Variants in MAGI1 observed in about 807,000 individuals in gnomAD.
MAGI1 encodes the protein membrane associated guanylate kinase, WW and PDZ domain containing 1.
Under a neutral mutation model 139.9 loss-of-function variants are expected in MAGI1, and 58 were observed. That is an observed-to-expected ratio of 0.41 (90% CI 0.34 to 0.52). The LOEUF (loss-of-function observed/expected upper bound fraction) is 0.52, where lower values mean the gene tolerates loss of function less well. Ranked by LOEUF, MAGI1 falls within the 20% of genes least tolerant of loss-of-function variation. MAGI1 has a pLI of 0.12. For synonymous variants in MAGI1, 812 were observed against 737.9 expected, an observed-to-expected ratio of 1.10 and a Z score of -1.63; for missense variants, 1,874 against 1,901.6, an observed-to-expected ratio of 0.99 and a Z score of 0.27.
chr3:65,498,269 G>A (rs192577840), intron 2 of MAGI1, among the ~76,000 whole-genome samples: 43 of 135,468 alleles, frequency 3.2e-4, no homozygotes, highest in Non-Finnish European at 4.1e-4. Context: ...CAGGGACAGC[G>A]TACTAATATA....
At chr3:65,956,188 A>G (rs1043243404) in intron 1 of MAGI1, among the ~76,000 whole-genome samples, 1 of 152,194 alleles carries the variant, frequency 6.6e-6, no homozygotes, top group Non-Finnish European at 1.5e-5. Flanking sequence ...TTCTACAGCA[A>G]TGTAGCTAGC....
chr3:65,579,573 C>T (rs2081324251), intron 2 of MAGI1, among the ~76,000 whole-genome samples: 1 of 152,206 alleles, frequency 6.6e-6, no homozygotes, highest in Non-Finnish European at 1.5e-5. Context: ...TGGCCGGACT[C>T]AGTGGCTCAC....
intron 1 of MAGI1, among the ~76,000 whole-genome samples, chr3:65,755,761 A>G (rs1229400264): frequency 6.6e-6 from 1 of 152,230 alleles, no homozygotes; most frequent in Non-Finnish European, 1.5e-5. Flanking sequence ...GGCAACAGCT[A>G]TTCTGCAAAG....
chr3:65,508,335 C>T (rs767593148), intron 2 of MAGI1, among the ~76,000 whole-genome samples: 18 of 151,700 alleles, frequency 1.2e-4, no homozygotes, highest in Non-Finnish European at 1.6e-4. Context: ...ACCTGGGAGG[C>T]GGAGCTTGCA....
chr3:66,023,734 C>A (rs79321085), intron 1 of MAGI1, among the ~76,000 whole-genome samples: 2,469 of 152,304 alleles, frequency 0.016, 70 homozygotes, highest in African/African-American at 0.056. Context: ...AAATGGTATA[C>A]ATAAACTTCA....
chr3:65,980,436 G>T (rs867109717), intron 1 of MAGI1, among the ~76,000 whole-genome samples: 3 of 151,970 alleles, frequency 2.0e-5, no homozygotes, highest in African/African-American at 7.3e-5. Flanking sequence ...GGTGGTGCAC[G>T]CCTATAATCC....
At chr3:65,744,695 C>CT (rs2035551823) in intron 1 of MAGI1, among the ~76,000 whole-genome samples, 2 of 146,378 alleles carry the variant, frequency 1.4e-5, no homozygotes, top group African/African-American at 2.5e-5. Context: ...TTTTTGTTTT[C>CT]TGTTTTTTTT....
chr3:65,695,700 T>C (rs985118233), intron 1 of MAGI1, among the ~76,000 whole-genome samples: 17 of 152,276 alleles, frequency 1.1e-4, no homozygotes, highest in Admixed American at 5.2e-4. Context: ...TGGAAAGCCA[T>C]TTGATATTTG....
chr3:65,648,503 G>A (rs1324985804), intron 1 of MAGI1, among the ~76,000 whole-genome samples: 3 of 152,064 alleles, frequency 2.0e-5, no homozygotes, highest in African/African-American at 7.2e-5. Context: ...GAACATTTAG[G>A]TATAAATCTA....
intron 1 of MAGI1, among the ~76,000 whole-genome samples, chr3:65,742,208 A>G (rs748905403): frequency 6.6e-6 from 1 of 152,238 alleles, no homozygotes; most frequent in Non-Finnish European, 1.5e-5. Flanking sequence ...CAACAGCAAC[A>G]GCAGGCCTTA....
chr3:65,471,785 T>A (rs1950574859), intron 4 of MAGI1, among the ~76,000 whole-genome samples: 1 of 152,146 alleles, frequency 6.6e-6, no homozygotes, highest in Admixed American at 6.5e-5. Flanking sequence ...GCAAACAAAT[T>A]TGAATGTCAG....
chr3:65,929,059 G>A (rs996633850), intron 1 of MAGI1, among the ~76,000 whole-genome samples: 1 of 151,756 alleles, frequency 6.6e-6, no homozygotes, highest in Non-Finnish European at 1.5e-5. Flanking sequence ...AAGCCGAAGC[G>A]GGAGGGATCA....
intron 1 of MAGI1, among the ~76,000 whole-genome samples, chr3:66,015,436 A>C (rs949356287): frequency 3.3e-5 from 5 of 151,782 alleles, no homozygotes; most frequent in African/African-American, 1.2e-4. Flanking sequence ...TTGTTTCCCA[A>C]CTTTGCCTAC....
chr3:65,689,683 G>T (rs138466077), intron 1 of MAGI1, among the ~76,000 whole-genome samples: 105 of 152,264 alleles, frequency 6.9e-4, no homozygotes, highest in African/African-American at 2.4e-3. Flanking sequence ...CCTCTCAACT[G>T]CTTCCCACAG....
intron 1 of MAGI1, among the ~76,000 whole-genome samples, chr3:65,802,543 C>G (rs1005661753): frequency 1.3e-5 from 2 of 152,202 alleles, no homozygotes. Context: ...GTGCCCAAAT[C>G]CACATTGCAC....
At chr3:65,421,437 A>G (rs1946624399) in intron 12 of MAGI1, among the ~76,000 whole-genome samples, 1 of 152,198 alleles carries the variant, frequency 6.6e-6, no homozygotes, top group South Asian at 2.1e-4. Context: ...AGCACCACAG[A>G]TAGTGGTGAG....
At chr3:65,570,007 G>A (rs2080874467) in intron 2 of MAGI1, among the ~76,000 whole-genome samples, 1 of 150,814 alleles carries the variant, frequency 6.6e-6, no homozygotes, top group African/African-American at 2.4e-5. Context: ...ATGAGAGGTA[G>A]TATACTCTCT....
chr3:65,892,967 G>A (rs1179281415), intron 1 of MAGI1, among the ~76,000 whole-genome samples: 1 of 152,150 alleles, frequency 6.6e-6, no homozygotes, highest in East Asian at 1.9e-4. Flanking sequence ...TAGCCTGAAA[G>A]TAAAACTGCA....
At chr3:65,779,992 C>T (rs1187982716) in intron 1 of MAGI1, among the ~76,000 whole-genome samples, 3 of 146,766 alleles carry the variant, frequency 2.0e-5, no homozygotes, top group African/African-American at 7.6e-5. Flanking sequence ...GGGGGTGGTC[C>T]TGAGATCTGA....
Sources: allele counts gnomAD v4.1 joint callset (sites outside exome capture counted in the v4.1 genomes callset), GRCh38; gene constraint gnomAD v4.1.1; transcripts MANE v1.5; gene names NCBI Gene and HGNC (gene_info 2026-07-23, HGNC 2026-07-21).